The following CHD9 variants were observed in gnomAD, a reference collection of about 807,000 sequenced individuals.
CHD9 encodes the protein chromodomain helicase DNA binding protein 9, also known as ATP-dependent chromatin remodeler CHD9.
CHD9 carries 77 observed loss-of-function variants against 316.1 expected under a neutral mutation model. That is an observed-to-expected ratio of 0.24 (90% CI 0.20 to 0.29). The LOEUF is 0.29. Ranked by LOEUF, CHD9 falls within the 10% of genes least tolerant of loss-of-function variation. The pLI, the probability that CHD9 is intolerant of heterozygous loss-of-function variation, is 1.00. For missense variants in CHD9, 2,763 were observed against 3,438.1 expected (o/e 0.80, Z 4.91); for synonymous variants, 1,129 against 1,158.3 (o/e 0.97, Z 0.51).
chr16:53,240,945 A>G (rs1279562824), intron 12 of CHD9, among the ~76,000 whole-genome samples: 8 of 152,154 alleles, frequency 5.3e-5, no homozygotes, highest in Non-Finnish European at 1.0e-4. Flanking sequence ...ACTCAAATCA[A>G]TCAGATTCAA....
chr16:53,213,309 T>G (rs982739851), intron 3 of CHD9, among the ~76,000 whole-genome samples: 8 of 151,964 alleles, frequency 5.3e-5, no homozygotes, highest in African/African-American at 1.9e-4. Context: ...AAGGGTGAGG[T>G]AGGCCTGGAA....
chr16:53,126,023 T>G (rs2038955508), intron 1 of CHD9, among the ~76,000 whole-genome samples: 1 of 152,256 alleles, frequency 6.6e-6, no homozygotes, highest in African/African-American at 2.4e-5. Flanking sequence ...ATCTACTTTT[T>G]GTGGTTTCTT....
At chr16:53,193,600 C>T (rs1333012379) in intron 2 of CHD9, among the ~76,000 whole-genome samples, 1 of 152,140 alleles carries the variant, frequency 6.6e-6, no homozygotes, top group Non-Finnish European at 1.5e-5. Flanking sequence ...GGTAAAGTGT[C>T]CATTCAAATC....
chr16:53,294,144 G>A (rs2054588011), intron 29 of CHD9, among the ~76,000 whole-genome samples: 1 of 152,106 alleles, frequency 6.6e-6, no homozygotes, highest in Non-Finnish European at 1.5e-5. Context: ...TTATTAAAAA[G>A]ACAGGCAAAC....
chr16:53,272,188 G>T (rs2052337731), intron 22 of CHD9, among the ~76,000 whole-genome samples: 1 of 151,434 alleles, frequency 6.6e-6, no homozygotes, highest in Non-Finnish European at 1.5e-5. Flanking sequence ...ACAAAATGTT[G>T]TAGTACCATT....
At chr16:53,236,963 C>A (rs1478937227) in intron 11 of CHD9, among the ~76,000 whole-genome samples, 1 of 151,930 alleles carries the variant, frequency 6.6e-6, no homozygotes, top group Non-Finnish European at 1.5e-5. Context: ...TTCTATACTC[C>A]CCGTGCCTTC....
chr16:53,115,858 C>G (rs1188731660), intron 1 of CHD9, among the ~76,000 whole-genome samples: 1 of 152,016 alleles, frequency 6.6e-6, no homozygotes, highest in Non-Finnish European at 1.5e-5. Context: ...AAGAAGGCCT[C>G]TAATATGAGG....
At chr16:53,057,326 A>G (rs1371042442) in intron 1 of CHD9, among the ~76,000 whole-genome samples, 1 of 151,260 alleles carries the variant, frequency 6.6e-6, no homozygotes, top group Non-Finnish European at 1.5e-5. Flanking sequence ...CAGCCTGGAC[A>G]GCATAGAGAG....
At chr16:53,181,688 A>G (rs577354751) in intron 2 of CHD9, among the ~76,000 whole-genome samples, 29 of 152,336 alleles carry the variant, frequency 1.9e-4, no homozygotes, top group African/African-American at 6.5e-4. Flanking sequence ...TCTCAACATG[A>G]TATTGAATGA....
intron 2 of CHD9, among the ~76,000 whole-genome samples, chr16:53,195,271 C>A (rs2044802838): frequency 6.6e-6 from 1 of 152,152 alleles, no homozygotes; most frequent in Admixed American, 6.5e-5. Context: ...TGATTTATAA[C>A]CTCATAGGTT....
intron 4 of CHD9, among the ~76,000 whole-genome samples, chr16:53,224,637 T>A (rs544595645): frequency 6.6e-6 from 1 of 152,182 alleles, no homozygotes; most frequent in Admixed American, 6.5e-5. Flanking sequence ...GAAAGGAAAC[T>A]AATGCTGAAA....
chr16:53,131,724 G>A (rs1247003346), intron 1 of CHD9, among the ~76,000 whole-genome samples: 1 of 152,090 alleles, frequency 6.6e-6, no homozygotes, highest in African/African-American at 2.4e-5. Flanking sequence ...TTCCCTGCCC[G>A]TGCTTTCTCG....
intron 29 of CHD9, 47 bp from the exon 30 acceptor site, chr16:53,296,909 A>C (rs1038920002): frequency 8.0e-7 from 1 of 1,243,622 alleles, no homozygotes; most frequent in Non-Finnish European, 1.2e-6. Flanking sequence ...ATTAATATTA[A>C]TTTTAGTGAC....
intron 27 of CHD9, among the ~76,000 whole-genome samples, chr16:53,288,651 T>G (rs989563147): frequency 2.6e-5 from 4 of 152,186 alleles, no homozygotes; most frequent in African/African-American, 9.6e-5. Flanking sequence ...AGACAAGGCT[T>G]GCTCCAGTGT....
At chr16:53,199,961 C>T (rs930925909) in intron 2 of CHD9, among the ~76,000 whole-genome samples, 3 of 152,124 alleles carry the variant, frequency 2.0e-5, no homozygotes, top group Admixed American at 1.3e-4. Context: ...TATCGGCTGG[C>T]ACGGTGGCTC....
intron 1 of CHD9, among the ~76,000 whole-genome samples, chr16:53,115,365 C>G (rs562384209): frequency 1.3e-5 from 2 of 152,206 alleles, no homozygotes; most frequent in Non-Finnish European, 2.9e-5. Flanking sequence ...CGTAATGCTT[C>G]CATACTGACC....
intron 19 of CHD9, among the ~76,000 whole-genome samples, chr16:53,257,739 TA>T (rs2050728368): frequency 6.6e-6 from 1 of 152,128 alleles, no homozygotes; most frequent in Non-Finnish European, 1.5e-5. Flanking sequence ...ATTTGGAAAT[TA>T]GTAGAGAATA....
At chr16:53,138,272 AAAT>A (rs1567361467) in intron 1 of CHD9, among the ~76,000 whole-genome samples, 1 of 152,196 alleles carries the variant, frequency 6.6e-6, no homozygotes, top group African/African-American at 2.4e-5. Flanking sequence ...AGTAAGAAAA[AAAT>A]GTTAAATAAT....
chr16:53,183,827 T>C (rs185079773), intron 2 of CHD9, among the ~76,000 whole-genome samples: 1 of 152,346 alleles, frequency 6.6e-6, no homozygotes, highest in African/African-American at 2.4e-5. Flanking sequence ...TTAACAGCCA[T>C]GTAACCTTGG....
Sources: allele counts gnomAD v4.1 joint callset (sites outside exome capture counted in the v4.1 genomes callset), GRCh38; gene constraint gnomAD v4.1.1; transcripts MANE v1.5; gene names NCBI Gene and HGNC (gene_info 2026-07-23, HGNC 2026-07-21).